The following SFXN4 variants were observed in gnomAD, a reference collection of about 807,000 sequenced individuals.
SFXN4 encodes the protein sideroflexin 4, also known as sideroflexin-4.
In SFXN4, 48 loss-of-function variants were observed where a neutral mutation model predicts 54.6. The ratio of observed to expected loss-of-function variants is 0.88; its 90% CI spans 0.70 to 1.12. SFXN4 has a LOEUF of 1.12. SFXN4 is among the 50% of genes most tolerant of loss of function. The probability of loss-of-function intolerance (pLI) is 0.00; values close to 1 mark genes in which losing one functional copy is unlikely to be tolerated. For synonymous variants in SFXN4, 130 were observed against 145.5 expected (o/e 0.89, Z 0.77); for missense variants, 383 against 409.2 (o/e 0.94, Z 0.55).
chr10:119,152,318 C>T (rs1190146180), intron 11 of SFXN4, among the ~76,000 whole-genome samples: 4 of 150,234 alleles, frequency 2.7e-5, no homozygotes, highest in Non-Finnish European at 5.9e-5. Flanking sequence ...CTTGTTCTGT[C>T]GCCCAGGCTG....
chr10:119,157,880 GTTT>G lies in SFXN4; in HGVS notation c.459_461del (p.Asn154del). ...GTCTCATAATACTCACGTAACTTCT[GTTT>G]CCATTGATGCTGTTGAACGCTGCCA... On this transcript the variant is annotated inframe_deletion, in exon 8 of 14. Transcript: ENST00000355697. 6.2e-7 allele frequency: 1 copy of G among 1,614,186 alleles called. No homozygotes were observed. The highest frequency in any genetic ancestry group is 8.5e-7 in the Non-Finnish European group (1 of 1,180,032).
At chr10:119,142,922 CGGG>C (rs1846608780) in intron 13 of SFXN4, among the ~76,000 whole-genome samples, 1 of 150,572 alleles carries the variant, frequency 6.6e-6, no homozygotes, top group African/African-American at 2.4e-5. Flanking sequence ...TTAGTAGAGA[CGGG>C]GTTTCACTGT....
chr10:119,157,433 A>G (rs899187645), intron 9 of SFXN4, among the ~76,000 whole-genome samples: 2 of 146,796 alleles, frequency 1.4e-5, no homozygotes, highest in East Asian at 3.9e-4. Flanking sequence ...TGTGTCTCAA[A>G]AAAAAAAAAA....
chr10:119,144,058 A>G (rs1846676281), intron 13 of SFXN4, among the ~76,000 whole-genome samples: 1 of 152,216 alleles, frequency 6.6e-6, no homozygotes, highest in African/African-American at 2.4e-5. Flanking sequence ...ACCTAAACCT[A>G]TAAAACGTGG....
At chr10:119,163,656 G>A (rs1368060125) in intron 2 of SFXN4, among the ~76,000 whole-genome samples, 3 of 151,912 alleles carry the variant, frequency 2.0e-5, no homozygotes, top group Admixed American at 2.0e-4. Flanking sequence ...ACCCACCTCG[G>A]CCTCCCAAAG....
At chr10:119,142,308 C>G (rs1344662515) in intron 13 of SFXN4, among the ~76,000 whole-genome samples, 2 of 152,094 alleles carry the variant, frequency 1.3e-5, no homozygotes, top group Non-Finnish European at 2.9e-5. Context: ...TCATCAAGCA[C>G]CTCCCACACC....
In SFXN4 at chr10:119,157,920, A is replaced by G; in HGVS notation, c.422T>C (p.Leu141Pro). Residue 141 changes from leucine (L) to proline (P), a missense_variant, in exon 8 of 14, where the codon CTC becomes CCC. Transcript: ENST00000355697. ...IKSVILPQVF[L>P]CAYMAAFNSI... is the part of the protein sequence containing the mutation. ...GTTGAACGCTGCCATGTAGGCACAG[A>G]GGAAAACCTGCCGAGAGGGGCAAAT... is the stretch of plus-strand genomic sequence containing the variant. The G allele has an allele frequency of 1.9e-6, 3 of 1,614,264 alleles. No homozygotes were observed. Among genetic ancestry groups the G allele is most frequent in the Non-Finnish European group, 2.5e-6 (3 of 1,180,040 alleles).
At chr10:119,147,080 G>A (rs1297322733) in intron 12 of SFXN4, among the ~76,000 whole-genome samples, 1 of 152,194 alleles carries the variant, frequency 6.6e-6, no homozygotes, top group African/African-American at 2.4e-5. Context: ...GAGGCTATGA[G>A]CTGGGAGTTA....
intron 9 of SFXN4, 70 bp downstream of exon 9, chr10:119,157,598 A>T: frequency 8.1e-7 from 1 of 1,231,514 alleles, no homozygotes; most frequent in Non-Finnish European, 1.2e-6. Context: ...ATAAATTTGT[A>T]ATTGGAATAA....
chr10:119,148,750 A>G (rs571387318), intron 11 of SFXN4, among the ~76,000 whole-genome samples: 1 of 152,356 alleles, frequency 6.6e-6, no homozygotes, highest in South Asian at 2.1e-4. Flanking sequence ...ATTACTCTAT[A>G]CATTAAACAT....
At chr10:119,153,663 G>A (rs1847164237) in intron 11 of SFXN4, among the ~76,000 whole-genome samples, 1 of 152,114 alleles carries the variant, frequency 6.6e-6, no homozygotes, top group South Asian at 2.1e-4. Flanking sequence ...GGAGGGGAGT[G>A]GCCCCCAATC....
chr10:119,158,929 G>T (rs1847394802), intron 6 of SFXN4, among the ~76,000 whole-genome samples: 1 of 152,166 alleles, frequency 6.6e-6, no homozygotes, highest in Admixed American at 6.5e-5. Context: ...GTTACAGTGA[G>T]CTATGATTGT....
At chr10:119,150,743 G>A (rs1385593727) in intron 11 of SFXN4, among the ~76,000 whole-genome samples, 1 of 152,098 alleles carries the variant, frequency 6.6e-6, no homozygotes, top group East Asian at 1.9e-4. Context: ...TTTATGAATA[G>A]GTCAGAGCAA....
chr10:119,154,674 A>C (rs529235515), intron 11 of SFXN4, among the ~76,000 whole-genome samples: 4 of 152,184 alleles, frequency 2.6e-5, no homozygotes, highest in Non-Finnish European at 1.5e-5. Flanking sequence ...TCTATTAAAA[A>C]TACAAAAATA....
intron 1 of SFXN4, chr10:119,165,119 C>T (rs1847715964): frequency 2.8e-6 from 2 of 721,570 alleles, no homozygotes; most frequent in Non-Finnish European, 3.4e-6. Flanking sequence ...CTAGACGCTG[C>T]AGGGAGATAA....
Position 119,146,249 on chromosome 10 carries a change from G to A in SFXN4, c.923C>T (p.Pro308Leu), listed in dbSNP as rs918972181. ...LMVPFSFSIF[P>L]QIGQIQYCSL... Reference sequence around the variant, plus strand: ...GGGGGCACTTACCTGTCCAATCTGTGGAAATATACTAAAAGAAAATGGCAC... The same window carrying A: ...GGGGGCACTTACCTGTCCAATCTGTAGAAATATACTAAAAGAAAATGGCAC... Residue 308 changes from proline (P) to leucine (L), a missense_variant, in exon 13 of 14, where the codon CCA becomes CTA. By Grantham distance (98) the Pro-to-Leu change is moderately conservative. Transcript: ENST00000355697. 3 of 1,603,964 alleles carry A rather than the reference G, an allele frequency of 1.9e-6. No homozygotes were observed. The highest frequency in any genetic ancestry group is 2.7e-5 in the African/African-American group (2 of 74,684).
At chr10:119,162,785 T>TTTTCTCTCTTTTC (rs1415437344) in intron 2 of SFXN4, among the ~76,000 whole-genome samples, 1 of 152,008 alleles carries the variant, frequency 6.6e-6, no homozygotes, top group African/African-American at 2.4e-5. Context: ...CCTCTCTTTT[T>TTTTCTCTCTTTTC]CTTTCTTTCT....
At position 119,165,616 on chromosome 10, in the gene SFXN4, G is replaced by A. The variant is rs757574092; in HGVS notation, c.32C>T (p.Pro11Leu). 1 of 1,592,986 alleles carries A rather than the reference G, an allele frequency of 6.3e-7. No individual in the cohort carries two copies. The highest frequency in any genetic ancestry group is 1.1e-5 in the South Asian group (1 of 90,302). The change falls in exon 1 of 14, where the codon CCT becomes CTT. Residue 11 changes from proline to leucine, a missense_variant. Pro to Leu is a moderately conservative substitution (Grantham distance 98). Coordinates refer to ENST00000355697, the MANE Select transcript of SFXN4 (RefSeq NM_213649.2). MSLEQEEETQ[P>L]GRLLGRRDAV... Reference sequence around the variant, plus strand: ...GTCTCTGCGTCCTAGGAGCCGCCCAGGTTGCGTTTCCTCCTCCTGTTCCAG... The same window carrying A: ...GTCTCTGCGTCCTAGGAGCCGCCCAAGTTGCGTTTCCTCCTCCTGTTCCAG...
chr10:119,162,655 C>G lies in SFXN4; in HGVS notation c.178-241G>C, dbSNP rs57269521. The stretch of plus-strand genomic sequence containing the variant: ...CCCCCAATGGTGCTGTCACCTCCCC[C>G]ACTCTCTGATGTCAACTGTCGCACT... On this transcript the variant is annotated intron_variant, in intron 2 of 13. Coordinates refer to ENST00000355697, the MANE Select transcript of SFXN4 (RefSeq NM_213649.2). Among the ~76,000 whole-genome samples the G allele has an allele frequency of 0.012, 1,879 of 152,270 alleles. 41 individuals carry two copies. The highest frequency in any genetic ancestry group is 0.043 in the African/African-American group (1,781 of 41,538).
Sources: allele counts gnomAD v4.1 joint callset (sites outside exome capture counted in the v4.1 genomes callset), GRCh38; gene constraint gnomAD v4.1.1; transcripts MANE v1.5; gene names NCBI Gene and HGNC (gene_info 2026-07-23, HGNC 2026-07-21).